Variants in FTO observed in about 807,000 individuals in gnomAD.
FTO encodes FTO alpha-ketoglutarate dependent dioxygenase, also known as alpha-ketoglutarate-dependent dioxygenase FTO.
A neutral mutation model predicts 63.9 loss-of-function variants in FTO; 47 were observed. The ratio of observed to expected loss-of-function variants is 0.74; its 90% CI spans 0.58 to 0.94. The LOEUF is 0.94. FTO is among the 40% of genes least tolerant of loss of function. FTO has a pLI of 0.00. For missense variants in FTO, 562 were observed against 618.1 expected (o/e 0.91, Z 0.96); for synonymous variants, 207 against 224.4 (o/e 0.92, Z 0.69).
At chr16:53,833,101 G>A (rs1336703407) in intron 3 of FTO, among the ~76,000 whole-genome samples, 3 of 152,180 alleles carry the variant, frequency 2.0e-5, no homozygotes, top group Non-Finnish European at 2.9e-5. Flanking sequence ...TCTCATGATA[G>A]TGAATAAGTC....
intron 8 of FTO, among the ~76,000 whole-genome samples, chr16:53,953,692 A>G (rs1303084118): frequency 6.6e-6 from 1 of 152,226 alleles, no homozygotes; most frequent in Non-Finnish European, 1.5e-5. Flanking sequence ...GGAATCTTGG[A>G]ACAGCAAACT....
At chr16:53,866,917 C>T (rs1323071444) in intron 4 of FTO, among the ~76,000 whole-genome samples, 2 of 151,832 alleles carry the variant, frequency 1.3e-5, no homozygotes, top group Non-Finnish European at 2.9e-5. Flanking sequence ...TTAATTTGTT[C>T]TTTTTCTTTA....
At chr16:53,779,491 A>G (rs1210583679) in intron 1 of FTO, among the ~76,000 whole-genome samples, 1 of 152,172 alleles carries the variant, frequency 6.6e-6, no homozygotes, top group African/African-American at 2.4e-5. Context: ...TTAATAGATC[A>G]ATTCTCTATT....
intron 3 of FTO, among the ~76,000 whole-genome samples, chr16:53,830,991 G>A (rs2079128436): frequency 6.6e-6 from 1 of 152,106 alleles, no homozygotes; most frequent in Admixed American, 6.5e-5. Flanking sequence ...GTGATAGGCT[G>A]GAAAGTAGAG....
chr16:53,891,255 G>A (rs912844538), intron 7 of FTO, among the ~76,000 whole-genome samples: 1 of 151,818 alleles, frequency 6.6e-6, no homozygotes, highest in Non-Finnish European at 1.5e-5. Context: ...GCCTCCCAGA[G>A]TGTTGGGATT....
At chr16:54,017,287 G>T (rs1175753743) in intron 8 of FTO, among the ~76,000 whole-genome samples, 2 of 152,172 alleles carry the variant, frequency 1.3e-5, no homozygotes, top group East Asian at 1.9e-4. Flanking sequence ...GAACCAATTA[G>T]TCTAAAGAAA....
chr16:54,057,158 C>A (rs1436266987), intron 8 of FTO, among the ~76,000 whole-genome samples: 1 of 152,216 alleles, frequency 6.6e-6, no homozygotes, highest in Non-Finnish European at 1.5e-5. Flanking sequence ...TCTAATATAA[C>A]CCTCCCCAGA....
chr16:53,936,371 C>T (rs1164509128), intron 8 of FTO, among the ~76,000 whole-genome samples: 1 of 152,296 alleles, frequency 6.6e-6, no homozygotes, highest in East Asian at 1.9e-4. Context: ...TCCTTCTCCC[C>T]ACCACTTCTC....
At chr16:54,006,884 C>G (rs1402990271) in intron 8 of FTO, among the ~76,000 whole-genome samples, 1 of 152,158 alleles carries the variant, frequency 6.6e-6, no homozygotes, top group Non-Finnish European at 1.5e-5. Flanking sequence ...AATGGAAAGG[C>G]AGACCTTCAT....
chr16:53,855,064 T>A (rs1236414930), intron 4 of FTO, among the ~76,000 whole-genome samples: 2 of 151,832 alleles, frequency 1.3e-5, no homozygotes, highest in Admixed American at 6.6e-5. Flanking sequence ...ATCAAAGGGA[T>A]TGAGTTCTTG....
chr16:53,806,830 T>A (rs2078384570), intron 1 of FTO, among the ~76,000 whole-genome samples: 1 of 152,154 alleles, frequency 6.6e-6, no homozygotes, highest in Admixed American at 6.5e-5. Flanking sequence ...AGAAGTAGGA[T>A]CACTGGCTCA....
chr16:53,825,598 A>G (rs1280794317), intron 2 of FTO, among the ~76,000 whole-genome samples: 1 of 152,204 alleles, frequency 6.6e-6, no homozygotes, highest in Non-Finnish European at 1.5e-5. Context: ...ATCCTGGTGT[A>G]TCAGGACACA....
intron 1 of FTO, among the ~76,000 whole-genome samples, chr16:53,760,232 G>T (rs1334881058): frequency 0.039 from 623 of 16,150 alleles, 66 homozygotes; most frequent in African/African-American, 0.14. Flanking sequence ...GTGTGTGTGT[G>T]TGTGTGTGTG....
intron 1 of FTO, among the ~76,000 whole-genome samples, chr16:53,785,706 T>A (rs983973685): frequency 6.6e-6 from 1 of 151,640 alleles, no homozygotes; most frequent in Non-Finnish European, 1.5e-5. Context: ...GGTCAAGAGA[T>A]CAAGACCATC....
In FTO at chr16:53,994,858, C is replaced by T. The variant is rs574347995; in HGVS notation, c.1364+60749C>T. 6.6e-5 allele frequency among the ~76,000 whole-genome samples: 10 copies of T among 152,024 alleles called. No homozygotes were observed. The East Asian group carries it at 1.2e-3, about 18-fold the overall frequency. ...AAACAATTCTCGTGCCTCAGCCTCC[C>T]GAGTAGCTGGGTTTACAGGTGGACA... On this transcript the variant is annotated intron_variant, in intron 8 of 8. Transcript: ENST00000471389.
At chr16:53,754,075 A>G (rs1381023629) in intron 1 of FTO, among the ~76,000 whole-genome samples, 2 of 152,178 alleles carry the variant, frequency 1.3e-5, no homozygotes, top group African/African-American at 2.4e-5. Flanking sequence ...TAGCCCTTTT[A>G]TGATCCCTCT....
At chr16:53,959,944 C>T (rs1211969201) in intron 8 of FTO, among the ~76,000 whole-genome samples, 2 of 152,002 alleles carry the variant, frequency 1.3e-5, no homozygotes, top group Non-Finnish European at 2.9e-5. Flanking sequence ...CATGGAGACT[C>T]GTGTGTAAAC....
At chr16:53,766,958 A>G (rs1229952697) in intron 1 of FTO, among the ~76,000 whole-genome samples, 1 of 152,138 alleles carries the variant, frequency 6.6e-6, no homozygotes, top group Non-Finnish European at 1.5e-5. Flanking sequence ...CTTGTAAGGA[A>G]CAAGATAATC....
intron 7 of FTO, among the ~76,000 whole-genome samples, chr16:53,914,333 A>G (rs2081803565): frequency 6.6e-6 from 1 of 151,944 alleles, no homozygotes; most frequent in African/African-American, 2.4e-5. Context: ...TTGGAAATAA[A>G]TGACTGCATT....
Sources: allele counts gnomAD v4.1 joint callset (sites outside exome capture counted in the v4.1 genomes callset), GRCh38; gene constraint gnomAD v4.1.1; transcripts MANE v1.5; gene names NCBI Gene and HGNC (gene_info 2026-07-23, HGNC 2026-07-21).